Variants in DSTYK observed in about 807,000 individuals in gnomAD.
DSTYK encodes the protein dual serine/threonine and tyrosine protein kinase.
A neutral mutation model predicts 98.7 loss-of-function variants in DSTYK; 34 were observed. The ratio of observed to expected loss-of-function variants is 0.34; its 90% confidence interval spans 0.26 to 0.46. The LOEUF is 0.46. Among genes scored for constraint, DSTYK ranks in the 20% least tolerant of loss-of-function variants. The probability of loss-of-function intolerance (pLI) is 1.00; values close to 1 mark genes in which losing one functional copy is unlikely to be tolerated. For synonymous variants in DSTYK, 462 were observed against 457.3 expected, an observed-to-expected ratio of 1.01 and a Z score of -0.13; for missense variants, 962 against 1,181.7, an observed-to-expected ratio of 0.81 and a Z score of 2.73.
At chr1:205,204,638 G>A (rs774930333) in intron 1 of DSTYK, among the ~76,000 whole-genome samples, 3 of 152,082 alleles carry the variant, frequency 2.0e-5, no homozygotes, top group Non-Finnish European at 2.9e-5. Context: ...GTACAATTCA[G>A]TGGCTTTTAG....
intron 4 of DSTYK, among the ~76,000 whole-genome samples, chr1:205,163,420 T>C (rs1464877127): frequency 6.6e-6 from 1 of 152,056 alleles, no homozygotes; most frequent in Non-Finnish European, 1.5e-5. Flanking sequence ...GATTTCTCCA[T>C]GTTGGTCAGG....
rs1018181397 is a variant in DSTYK, at chr1:205,147,124, C to G, written c.*434G>C. On this transcript the variant is annotated 3_prime_UTR_variant, in exon 13 of 13. Coordinates refer to ENST00000367162, the MANE Select transcript of DSTYK (RefSeq NM_015375.3). ...ATGTTTTCATAATCCCAGAACTAAG[C>G]TCAAATTTTCTGAGTCCTGACTAAA... 6.5e-6 allele frequency: 1 copy of G among 153,704 alleles called. No individual in the cohort carries two copies. Among genetic ancestry groups the G allele is most frequent in the Non-Finnish European group, 1.5e-5 (1 of 68,826 alleles). The allele number at this position is 153,704 out of a possible 1,614,324, so 9.5% of individuals were successfully genotyped here. A position where few individuals can be genotyped will look rare whatever the true frequency, so the allele number is the denominator to read the frequency against.
rs551938290 is a variant in DSTYK at position 205,179,708 on chromosome 1, T to C, written c.654+7710A>G. Among the ~76,000 whole-genome samples the C allele has an allele frequency of 2.0e-5, 3 of 148,612 alleles. No individual in the cohort carries two copies. In the East Asian group the frequency reaches 5.8e-4, roughly 29 times the overall value. On this transcript the variant is annotated intron_variant, in intron 2 of 12. Coordinates refer to ENST00000367162, the MANE Select transcript of DSTYK (RefSeq NM_015375.3). ...TCTGTATTAAGAAGTATATGCTGGT[T>C]ACAAAGTAAAGGCTTTGTTATCAAA... is the stretch of plus-strand genomic sequence containing the variant.
intron 10 of DSTYK, among the ~76,000 whole-genome samples, chr1:205,155,669 T>TAAA (rs1558600596): frequency 5.5e-4 from 83 of 151,810 alleles, no homozygotes; most frequent in African/African-American, 1.9e-3. Flanking sequence ...AAAAAATTTT[T>TAAA]AAAAAAAAGA....
chr1:205,178,926 G>A (rs558635310), intron 2 of DSTYK, among the ~76,000 whole-genome samples: 7 of 151,398 alleles, frequency 4.6e-5, no homozygotes, highest in African/African-American at 1.7e-4. Flanking sequence ...CTTCAGCCTA[G>A]AAGACCAGCC....
At chr1:205,194,764 T>C (rs987911858) in intron 1 of DSTYK, among the ~76,000 whole-genome samples, 1 of 151,868 alleles carries the variant, frequency 6.6e-6, no homozygotes. Context: ...AGCATGATCT[T>C]GGGTCATAGC....
chr1:205,147,988 C>T (rs923272068), intron 12 of DSTYK, among the ~76,000 whole-genome samples: 18 of 151,844 alleles, frequency 1.2e-4, no homozygotes, highest in Admixed American at 7.9e-4. Context: ...AAGAATCGGA[C>T]ATTTTTTAAA....
At position 205,148,277 on chromosome 1, in the gene DSTYK, C is replaced by T; in HGVS notation, c.2530G>A (p.Gly844Ser). ...FGILFWYICS[G>S]SVKLPEAFER... ...AATGCCTCAGGGAGCTTGACAGAGC[C>T]TGAGCAGATATACCAGAAAAGAATT... Residue 844 changes from glycine (G) to serine (S), a missense_variant, in exon 12 of 13, where the codon GGC becomes AGC. Transcript: ENST00000367162. The T allele has an allele frequency of 6.2e-7, 1 of 1,614,150 alleles. No individual in the cohort carries two copies. Among genetic ancestry groups the T allele is most frequent in the African/African-American group, 1.3e-5 (1 of 75,046 alleles).
At chr1:205,175,617 G>C (rs1412373976) in intron 2 of DSTYK, among the ~76,000 whole-genome samples, 1 of 152,100 alleles carries the variant, frequency 6.6e-6, no homozygotes, top group Non-Finnish European at 1.5e-5. Context: ...CTCAGTGAAG[G>C]GATGACTCAT....
chr1:205,172,484 G>GTT (rs994963880), intron 2 of DSTYK, among the ~76,000 whole-genome samples: 2 of 137,014 alleles, frequency 1.5e-5, no homozygotes, highest in African/African-American at 2.7e-5. Context: ...TCTTTTTTGG[G>GTT]TTTTTTTTTT....
intron 10 of DSTYK, among the ~76,000 whole-genome samples, chr1:205,154,411 C>G (rs1440853227): frequency 6.6e-6 from 1 of 152,084 alleles, no homozygotes; most frequent in African/African-American, 2.4e-5. Context: ...AGGGGTTTTT[C>G]CCCCCCTTTT....
intron 1 of DSTYK, among the ~76,000 whole-genome samples, chr1:205,205,179 G>A (rs1356669833): frequency 6.6e-6 from 1 of 151,980 alleles, no homozygotes; most frequent in Non-Finnish European, 1.5e-5. Context: ...AAATGCACTG[G>A]CAACTCTTCT....
intron 8 of DSTYK, 40 bp from the exon 9 acceptor site, chr1:205,159,719 C>A: frequency 6.2e-7 from 1 of 1,610,724 alleles, no homozygotes. Context: ...AAGGCTTGGG[C>A]TCTAATCCTG....
At chr1:205,184,353 ACTTGAGGT>A (rs925525222) in intron 2 of DSTYK, among the ~76,000 whole-genome samples, 2 of 151,962 alleles carry the variant, frequency 1.3e-5, no homozygotes, top group African/African-American at 4.8e-5. Flanking sequence ...GGGGCGGATC[ACTTGAGGT>A]CAGTAGTTCC....
At chr1:205,153,692 G>T (rs920805524) in intron 10 of DSTYK, among the ~76,000 whole-genome samples, 28 of 28,856 alleles carry the variant, frequency 9.7e-4, no homozygotes, top group Middle Eastern at 0.016. Context: ...AATGTTTTCT[G>T]TAACTTACTT....
chr1:205,182,296 G>A (rs557188163), intron 2 of DSTYK, among the ~76,000 whole-genome samples: 1 of 151,780 alleles, frequency 6.6e-6, no homozygotes, highest in African/African-American at 2.4e-5. Flanking sequence ...AGCTACTTGG[G>A]AGGAGGCAGG....
chr1:205,154,262 G>A (rs1284652678), intron 10 of DSTYK, among the ~76,000 whole-genome samples: 4 of 152,010 alleles, frequency 2.6e-5, no homozygotes, highest in Non-Finnish European at 4.4e-5. Flanking sequence ...TCCTCCCTAA[G>A]CTTTAAGTCT....
At chr1:205,186,904 T>C (rs1184704130) in intron 2 of DSTYK, among the ~76,000 whole-genome samples, 4 of 152,144 alleles carry the variant, frequency 2.6e-5, no homozygotes, top group African/African-American at 4.8e-5. Context: ...CCTTATAAAG[T>C]AGGAGAAATG....
At position 205,182,093 on chromosome 1, in the gene DSTYK, C is replaced by T. The variant is rs1030667170; in HGVS notation, c.654+5325G>A. On this transcript the variant is annotated intron_variant, in intron 2 of 12. Transcript: ENST00000367162. ...ATTAAAAACAGGTTAGCAAAACAGA[C>T]GAACAAACAAACAAAAACAATTAGT... is the stretch of plus-strand genomic sequence containing the variant. Among the ~76,000 whole-genome samples, 20 of 152,058 alleles carry T rather than the reference C, an allele frequency of 1.3e-4. No homozygotes were observed. The East Asian group carries it at 1.9e-3, about 15-fold the overall frequency.
Sources: gnomAD v4.1 joint callset for allele counts (sites outside exome capture counted in the v4.1 genomes callset) on GRCh38, gnomAD v4.1.1 for gene constraint, MANE v1.5 for transcripts, NCBI Gene and HGNC (gene_info 2026-07-23, HGNC 2026-07-21) for gene names.